RBFOX1: variants seen among roughly 807,000 people sequenced by gnomAD.
RBFOX1 encodes RNA binding protein fox-1 homolog 1.
Under a neutral mutation model 57.7 loss-of-function variants are expected in RBFOX1, and 8 were observed. That is an observed-to-expected ratio of 0.14 (90% CI 0.08 to 0.25). The LOEUF (loss-of-function observed/expected upper bound fraction) is 0.25. Ranked by LOEUF, RBFOX1 falls within the 10% of genes least tolerant of loss-of-function variation. The pLI, the probability that RBFOX1 is intolerant of heterozygous loss-of-function variation, is 1.00. For missense variants in RBFOX1, 611 were observed against 548.5 expected (o/e 1.11, Z -1.14); for synonymous variants, 326 against 222.4 (o/e 1.47, Z -4.15).
intron 4 of RBFOX1, among the ~76,000 whole-genome samples, chr16:7,515,690 G>C (rs567317922): frequency 6.6e-6 from 1 of 152,330 alleles, no homozygotes; most frequent in Admixed American, 6.5e-5. Flanking sequence ...AAACAGGGAT[G>C]GTGCTGACTG....
chr16:5,752,270 A>T (rs1265624509), intron 3 of RBFOX1, among the ~76,000 whole-genome samples: 1 of 152,204 alleles, frequency 6.6e-6, no homozygotes, highest in East Asian at 1.9e-4. Flanking sequence ...GGGACCTTTT[A>T]GAGGTCACGG....
At chr16:7,506,584 CA>C (rs1337034215) in intron 4 of RBFOX1, among the ~76,000 whole-genome samples, 1 of 151,326 alleles carries the variant, frequency 6.6e-6, no homozygotes, top group African/African-American at 2.5e-5. Flanking sequence ...TCACCTTCAT[CA>C]TCATCATCAT....
chr16:6,005,650 G>T (rs1231861218), intron 4 of RBFOX1, among the ~76,000 whole-genome samples: 1 of 152,192 alleles, frequency 6.6e-6, no homozygotes, highest in Non-Finnish European at 1.5e-5. Flanking sequence ...CCCTTCTCCA[G>T]TCATGACAAC....
At chr16:5,761,728 G>T (rs919479302) in intron 3 of RBFOX1, among the ~76,000 whole-genome samples, 2 of 152,134 alleles carry the variant, frequency 1.3e-5, no homozygotes, top group Non-Finnish European at 2.9e-5. Flanking sequence ...GATGACATTT[G>T]GGTGGGGACA....
chr16:6,989,009 C>T (rs975856871), intron 3 of RBFOX1, among the ~76,000 whole-genome samples: 1 of 151,928 alleles, frequency 6.6e-6, no homozygotes, highest in Admixed American at 6.6e-5. Flanking sequence ...GTGATCCACC[C>T]CCCTCGGACT....
intron 4 of RBFOX1, among the ~76,000 whole-genome samples, chr16:7,428,268 T>G (rs1319404022): frequency 1.3e-5 from 2 of 151,820 alleles, no homozygotes; most frequent in Admixed American, 6.6e-5. Flanking sequence ...TGCAGTCAAC[T>G]TTTTTTGTTG....
chr16:7,486,191 C>G (rs1311484278), intron 4 of RBFOX1, among the ~76,000 whole-genome samples: 1 of 134,546 alleles, frequency 7.4e-6, no homozygotes, highest in African/African-American at 2.8e-5. Context: ...GGCGTGATCT[C>G]AGCTCGCTGC....
At chr16:7,015,243 T>C (rs1254390743) in intron 3 of RBFOX1, among the ~76,000 whole-genome samples, 5 of 152,272 alleles carry the variant, frequency 3.3e-5, no homozygotes, top group African/African-American at 1.2e-4. Context: ...TTATAGGCGC[T>C]GAGGCTATGG....
At chr16:7,263,858 C>G (rs1036571227) in intron 4 of RBFOX1, among the ~76,000 whole-genome samples, 1 of 150,702 alleles carries the variant, frequency 6.6e-6, no homozygotes, top group African/African-American at 2.4e-5. Flanking sequence ...TGAGATTGCA[C>G]CATTGCACTC....
intron 3 of RBFOX1, among the ~76,000 whole-genome samples, chr16:6,706,303 AT>A (rs2154146501): frequency 6.6e-6 from 1 of 152,314 alleles, no homozygotes; most frequent in South Asian, 2.1e-4. Context: ...AATAAATCAC[AT>A]TTACGAGGAG....
chr16:5,410,199 A>G (rs935580078), intron 1 of RBFOX1, among the ~76,000 whole-genome samples: 5 of 151,464 alleles, frequency 3.3e-5, no homozygotes, highest in Admixed American at 3.3e-4. Context: ...CACTGTCTCT[A>G]CAAAAGAAAA....
intron 3 of RBFOX1, among the ~76,000 whole-genome samples, chr16:6,987,644 G>A (rs933859231): frequency 6.6e-6 from 1 of 152,262 alleles, no homozygotes; most frequent in Admixed American, 6.5e-5. Flanking sequence ...TATAGCTCAT[G>A]ACTGGGGCCT....
At chr16:6,230,163 C>G (rs1009890797) in intron 1 of RBFOX1, among the ~76,000 whole-genome samples, 1 of 152,052 alleles carries the variant, frequency 6.6e-6, no homozygotes, top group Non-Finnish European at 1.5e-5. Context: ...TTTGCAAAAA[C>G]AAGATGCTAG....
At chr16:6,337,308 T>C (rs564793574) in intron 2 of RBFOX1, among the ~76,000 whole-genome samples, 25 of 152,298 alleles carry the variant, frequency 1.6e-4, no homozygotes, top group African/African-American at 5.8e-4. Flanking sequence ...TCTTTCTGTA[T>C]TGTGCCGTCC....
At chr16:7,476,882 A>G (rs1599422184) in intron 4 of RBFOX1, among the ~76,000 whole-genome samples, 1 of 152,170 alleles carries the variant, frequency 6.6e-6, no homozygotes, top group East Asian at 1.9e-4. Context: ...AAAGTATGAA[A>G]TGGAGATTAC....
intron 1 of RBFOX1, among the ~76,000 whole-genome samples, chr16:6,172,861 A>G (rs865957826): frequency 6.6e-6 from 1 of 152,188 alleles, no homozygotes; most frequent in African/African-American, 2.4e-5. Context: ...TTGAGTGGTC[A>G]GAACTCGACA....
intron 4 of RBFOX1, among the ~76,000 whole-genome samples, chr16:7,376,896 G>C (rs1311156377): frequency 2.0e-5 from 3 of 152,042 alleles, no homozygotes; most frequent in Non-Finnish European, 4.4e-5. Flanking sequence ...GATTTCCTAG[G>C]AGGTACCCAG....
chr16:7,021,086 C>G (rs1281834289), intron 3 of RBFOX1, among the ~76,000 whole-genome samples: 1 of 152,090 alleles, frequency 6.6e-6, no homozygotes, highest in African/African-American at 2.4e-5. Flanking sequence ...CCAGGTCGTG[C>G]TACTGCACTC....
At chr16:5,627,608 C>G (rs367996196) in intron 3 of RBFOX1, among the ~76,000 whole-genome samples, 6 of 152,070 alleles carry the variant, frequency 3.9e-5, no homozygotes, top group Admixed American at 6.6e-5. Context: ...TAAATAACAA[C>G]AAACTAAGAA....
Sources: gnomAD v4.1 joint callset for allele counts (sites outside exome capture counted in the v4.1 genomes callset) on GRCh38, gnomAD v4.1.1 for gene constraint, MANE v1.5 for transcripts, NCBI Gene and HGNC (gene_info 2026-07-23, HGNC 2026-07-21) for gene names.